FREM2: variants seen among roughly 807,000 people sequenced by gnomAD.
The protein encoded by FREM2 is FRAS1 related extracellular matrix 2, also known as FRAS1-related extracellular matrix protein 2.
FREM2 carries 119 observed loss-of-function variants against 219.9 expected under a neutral mutation model. That is an observed-to-expected ratio of 0.54 (90% CI 0.47 to 0.63). The LOEUF (loss-of-function observed/expected upper bound fraction) is 0.63. Among genes scored for constraint, FREM2 ranks in the 30% least tolerant of loss-of-function variants. The probability of loss-of-function intolerance (pLI) is 0.00; values close to 1 mark genes in which losing one functional copy is unlikely to be tolerated. For synonymous variants in FREM2, 1,562 were observed against 1,522.8 expected (o/e 1.03, Z -0.60); for missense variants, 4,030 against 3,993.6 (o/e 1.01, Z -0.25).
At chr13:38,834,435 A>C (rs1876632670) in intron 6 of FREM2, among the ~76,000 whole-genome samples, 1 of 151,956 alleles carries the variant, frequency 6.6e-6, no homozygotes, top group African/African-American at 2.4e-5. Context: ...CATTTATAGT[A>C]GAATGATTTA....
In FREM2 at chr13:38,689,314, A is replaced by G. The variant is rs1254143753; in HGVS notation, c.1970A>G (p.His657Arg). 2.5e-6 allele frequency: 4 copies of G among 1,613,780 alleles called. No homozygotes were observed. In the South Asian group the frequency reaches 3.3e-5, roughly 13 times the overall value. Residue 657 changes from histidine (H) to arginine (R), a missense_variant, in exon 1 of 24, where the codon CAC becomes CGC. Physicochemically the swap from His to Arg is conservative, Grantham distance 29 (BLOSUM62 0). Around this residue, in one of 2 missense-constraint regions of FREM2, gnomAD observed 3,102 missense variants for 2,950.7 expected, o/e 1.05. Transcript: ENST00000280481. ...ACAGAGGGCAGGCTGTTCTATAGAC[A>G]CTCTGGGCCCCATAGTCCTGGGCCA... ...DITEGRLFYR[H>R]SGPHSPGPVT...
At chr13:38,742,699 A>G (rs993494932) in intron 2 of FREM2, among the ~76,000 whole-genome samples, 1 of 152,154 alleles carries the variant, frequency 6.6e-6, no homozygotes, top group Non-Finnish European at 1.5e-5. Context: ...GTGAGGTAGA[A>G]TTATCAATGG....
intron 2 of FREM2, among the ~76,000 whole-genome samples, chr13:38,715,612 T>TA (rs1870966939): frequency 6.6e-6 from 1 of 152,170 alleles, no homozygotes; most frequent in Non-Finnish European, 1.5e-5. Context: ...GGTTTTTTTT[T>TA]TTTATTTAGA....
chr13:38,723,078 T>TA (rs113071083), intron 2 of FREM2, among the ~76,000 whole-genome samples: 4,310 of 151,578 alleles, frequency 0.028, 233 homozygotes, highest in African/African-American at 0.099. Flanking sequence ...TAAAAACAAA[T>TA]ACAAAAATTA....
intron 6 of FREM2, among the ~76,000 whole-genome samples, chr13:38,786,397 CTATAAG>C (rs1566142092): frequency 6.6e-6 from 1 of 152,124 alleles, no homozygotes; most frequent in Non-Finnish European, 1.5e-5. Flanking sequence ...ATATAATACC[CTATAAG>C]TATAAGCTGC....
rs756795456 is a variant in FREM2 at position 38,688,982 on chromosome 13, G to T, written c.1638G>T (p.Gln546His). 6.2e-7 allele frequency: 1 copy of T among 1,613,984 alleles called. No individual in the cohort carries two copies. The highest frequency in any genetic ancestry group is 8.5e-7 in the Non-Finnish European group (1 of 1,179,974). ...ATGGAGGAGGCAGGCACCAGGTACA[G>T]TTTCTGTTCCCCATCACCTTAGTGC... is the stretch of plus-strand genomic sequence containing the variant. The part of the protein sequence containing the change: ...MVDGGGRHQV[Q>H]FLFPITLVPV... Residue 546 changes from glutamine to histidine, a missense_variant, in exon 1 of 24, where the codon CAG (glutamine) becomes CAT (histidine). Gln to His is a conservative substitution (Grantham distance 24). Coordinates refer to ENST00000280481, the MANE Select transcript of FREM2 (RefSeq NM_207361.6).
chr13:38,811,961 A>G (rs922766093), intron 6 of FREM2, among the ~76,000 whole-genome samples: 1 of 152,092 alleles, frequency 6.6e-6, no homozygotes, highest in Non-Finnish European at 1.5e-5. Context: ...CTTACTTTAT[A>G]TATCTGTGTG....
At chr13:38,772,931 A>G (rs918822416) in intron 4 of FREM2, among the ~76,000 whole-genome samples, 1 of 151,974 alleles carries the variant, frequency 6.6e-6, no homozygotes, top group East Asian at 1.9e-4. Context: ...TCCTGACCTC[A>G]GGTGATCTGC....
At chr13:38,854,406 A>G (rs6563644) in intron 11 of FREM2, among the ~76,000 whole-genome samples, 152,212 of 152,230 alleles carry the variant, frequency 1, 76,097 homozygotes, top group Non-Finnish European at 1. Flanking sequence ...AGAAAATGGA[A>G]TGATTATAGT....
chr13:38,847,810 T>G (rs1877220048), intron 7 of FREM2, among the ~76,000 whole-genome samples: 1 of 152,272 alleles, frequency 6.6e-6, no homozygotes, highest in Admixed American at 6.5e-5. Flanking sequence ...TGGCTACAGA[T>G]TAAAAGACAG....
At chr13:38,803,267 A>G (rs376421379) in intron 6 of FREM2, among the ~76,000 whole-genome samples, 2 of 152,182 alleles carry the variant, frequency 1.3e-5, no homozygotes, top group South Asian at 4.1e-4. Context: ...CTGCCTTACT[A>G]GTGACTTCTC....
chr13:38,877,278 G>T, intron 21 of FREM2, 35 bp downstream of exon 21: 1 of 1,610,784 alleles, frequency 6.2e-7, no homozygotes, highest in South Asian at 1.1e-5. Flanking sequence ...TGCTCTGTTT[G>T]TCATGTATAT....
chr13:38,812,662 C>T (rs972894196), intron 6 of FREM2, among the ~76,000 whole-genome samples: 2 of 152,046 alleles, frequency 1.3e-5, no homozygotes, highest in Non-Finnish European at 2.9e-5. Context: ...AGGCAGTTCA[C>T]TTGAGAACAG....
chr13:38,830,251 T>C (rs757624428), intron 6 of FREM2, among the ~76,000 whole-genome samples: 8 of 152,224 alleles, frequency 5.3e-5, no homozygotes, highest in Admixed American at 1.3e-4. Flanking sequence ...AACACAAATA[T>C]CCTTCAAAAT....
In FREM2 at chr13:38,690,501, G is replaced by A; in HGVS notation, c.3157G>A (p.Val1053Ile). ...WRIGGNTIQG[V>I]TIWVTILPVD... ...AATTGGTGGCAATACTATCCAAGGA[G>A]TTACTATATGGGTGACCATCCTGCC... The change falls in exon 1 of 24, where the codon GTT becomes ATT. Residue 1053 changes from valine (V) to isoleucine (I), a missense_variant. Val to Ile is a conservative substitution (Grantham distance 29). Coordinates refer to ENST00000280481, the MANE Select transcript of FREM2 (RefSeq NM_207361.6). 1 of 1,614,236 alleles carries A rather than the reference G, an allele frequency of 6.2e-7. No homozygotes were observed. Among genetic ancestry groups the A allele is most frequent in the Non-Finnish European group, 8.5e-7 (1 of 1,180,038 alleles).
chr13:38,858,100 A>G (rs1877628753), intron 13 of FREM2, 67 bp downstream of exon 13: 3 of 1,327,250 alleles, frequency 2.3e-6, no homozygotes, highest in Admixed American at 3.4e-5. Context: ...TATAATCAAT[A>G]TAGCATTGGC....
At chr13:38,784,446 T>C (rs1042430268) in intron 5 of FREM2, 111 bp from the exon 6 acceptor site, 1 of 1,212,444 alleles carries the variant, frequency 8.2e-7, no homozygotes, top group Non-Finnish European at 1.2e-6. Flanking sequence ...TCTAGGGGTG[T>C]TCATGTCTAC....
At chr13:38,859,209 C>T (rs768624348) in intron 13 of FREM2, 78 bp from the exon 14 acceptor site, 156 of 1,435,772 alleles carry the variant, frequency 1.1e-4, no homozygotes, top group Middle Eastern at 1.1e-3. Context: ...AGTGAAAACT[C>T]GATGGCAGAG....
At chr13:38,836,203 G>A (rs1876700308) in intron 6 of FREM2, among the ~76,000 whole-genome samples, 1 of 152,158 alleles carries the variant, frequency 6.6e-6, no homozygotes, top group African/African-American at 2.4e-5. Context: ...AGATAATTAT[G>A]TGGTTTTTGT....
Sources: gnomAD v4.1 joint callset for allele counts (sites outside exome capture counted in the v4.1 genomes callset) on GRCh38, gnomAD v4.1.1 for gene constraint, gnomAD v4.1.1 regional missense constraint, MANE v1.5 for transcripts, NCBI Gene and HGNC (gene_info 2026-07-23, HGNC 2026-07-21) for gene names.